MN1: variants seen among roughly 807,000 people sequenced by gnomAD.
MN1 encodes MN1 proto-oncogene, transcriptional regulator.
Under a neutral mutation model 86.9 loss-of-function variants are expected in MN1, and 19 were observed. The observed-to-expected ratio is 0.22, with a 90% CI of 0.15 to 0.32. MN1 has a LOEUF of 0.32. MN1 is among the 10% of genes least tolerant of loss of function. The pLI, the probability that MN1 is intolerant of heterozygous loss-of-function variation, is 1.00. For missense variants in MN1, 1,841 were observed against 1,862.0 expected, an observed-to-expected ratio of 0.99 and a Z score of 0.21; for synonymous variants, 928 against 849.6, an observed-to-expected ratio of 1.09 and a Z score of -1.60.
rs1218704227 is a variant in MN1, at chr22:27,800,166, C to T, written c.378G>A (p.Ser126=). The change falls in exon 1 of 2, where the codon TCG becomes TCA. Residue 126 remains serine, a synonymous_variant. Coordinates refer to ENST00000302326, the MANE Select transcript of MN1 (RefSeq NM_002430.3). Reference sequence around the variant, plus strand: ...CGAGCAGGCGACCCCCGTGCAGGCACGAGGCCCCGGGGTCCGGGCCACCGA... The same window carrying T: ...CGAGCAGGCGACCCCCGTGCAGGCATGAGGCCCCGGGGTCCGGGCCACCGA... ...GNFGGPDPGA[S]CLHGGRLLGY... is the part of the protein sequence containing the mutation. 6.5e-7 allele frequency: 1 copy of T among 1,548,034 alleles called. No homozygotes were observed.
Position 27,798,486 on chromosome 22 carries a change from C to T in MN1, c.2058G>A (p.Met686Ile), listed in dbSNP as rs565227821. The stretch of plus-strand genomic sequence containing the variant: ...GCGCGGGCACGTGGCCCTCTCCGGG[C>T]ATCCTCATCGGCTCCTGCAGAGGGC... ...FRGPLQEPMR[M>I]PGEGHVPALP... The change falls in exon 1 of 2, where the codon ATG becomes ATA. Residue 686 changes from methionine to isoleucine, a missense_variant. By Grantham distance (10) the Met-to-Ile change is conservative. Coordinates refer to ENST00000302326, the MANE Select transcript of MN1 (RefSeq NM_002430.3). 8.3e-6 allele frequency: 13 copies of T among 1,558,010 alleles called. No homozygotes were observed. In the African/African-American group the frequency reaches 1.7e-4, roughly 20 times the overall value.
chr22:27,798,705 C>T lies in MN1; in HGVS notation c.1839G>A (p.Gly613=), dbSNP rs1470244595. The T allele has an allele frequency of 2.0e-6, 3 of 1,535,284 alleles. No homozygotes were observed. Among genetic ancestry groups the T allele is most frequent in the Non-Finnish European group, 2.6e-6 (3 of 1,147,132 alleles). The part of the protein sequence containing the change: ...FEREGGSTGA[G]RLGTFEQQAP... ...CCTGCTGCTCGAAGGTGCCCAGACG[C>T]CCGGCGCCCGTGCTGCCGCCTTCGC... The change falls in exon 1 of 2, where the codon GGG becomes GGA. Residue 613 remains glycine, a synonymous_variant. Coordinates refer to ENST00000302326, the MANE Select transcript of MN1 (RefSeq NM_002430.3).
intron 1 of MN1, among the ~76,000 whole-genome samples, chr22:27,756,248 C>T (rs1263861664): frequency 6.6e-6 from 1 of 152,234 alleles, no homozygotes; most frequent in Non-Finnish European, 1.5e-5. Flanking sequence ...ATGCCACCCA[C>T]CCATAGAGGG....
At chr22:27,766,970 G>T (rs1932874669) in intron 1 of MN1, among the ~76,000 whole-genome samples, 1 of 152,072 alleles carries the variant, frequency 6.6e-6, no homozygotes, top group Admixed American at 6.6e-5. Context: ...CCTTCATCAA[G>T]GAGGTCTCTT....
At chr22:27,762,210 G>T (rs1932839665) in intron 1 of MN1, among the ~76,000 whole-genome samples, 1 of 152,236 alleles carries the variant, frequency 6.6e-6, no homozygotes, top group African/African-American at 2.4e-5. Flanking sequence ...GGGGGGCTGA[G>T]GGCCAGTCGC....
At chr22:27,751,313 C>T (rs1242935231) in intron 1 of MN1, among the ~76,000 whole-genome samples, 2 of 152,166 alleles carry the variant, frequency 1.3e-5, no homozygotes, top group African/African-American at 4.8e-5. Context: ...GAAGACCTCC[C>T]TGTTGGGCCT....
At position 27,790,891 on chromosome 22, in the gene MN1, G is replaced by A. The variant is rs553136551; in HGVS notation, c.3781+5872C>T. On this transcript the variant is annotated intron_variant, in intron 1 of 1. Coordinates refer to ENST00000302326, the MANE Select transcript of MN1 (RefSeq NM_002430.3). ...AGGAGGCCCGGGAGGCTGAGATTTC[G>A]TAATTAGGATCTTCAAAATCCTCCC... 6.6e-5 allele frequency among the ~76,000 whole-genome samples: 10 copies of A among 152,264 alleles called. No homozygotes were observed. The East Asian group carries it at 9.7e-4, about 15-fold the overall frequency.
At chr22:27,783,133 C>CCT (rs1933076559) in intron 1 of MN1, among the ~76,000 whole-genome samples, 1 of 139,656 alleles carries the variant, frequency 7.2e-6, no homozygotes, top group Non-Finnish European at 1.6e-5. Context: ...CGTCGTGCTG[C>CCT]TTTTTTTTTT....
At chr22:27,772,189 ACAGCTGC>A (rs1932923262) in intron 1 of MN1, among the ~76,000 whole-genome samples, 1 of 152,174 alleles carries the variant, frequency 6.6e-6, no homozygotes, top group African/African-American at 2.4e-5. Context: ...CAGAGCACAC[ACAGCTGC>A]CAACAGACTC....
chr22:27,789,077 G>C (rs1366140606), intron 1 of MN1, among the ~76,000 whole-genome samples: 2 of 152,188 alleles, frequency 1.3e-5, no homozygotes, highest in Non-Finnish European at 2.9e-5. Context: ...AGAGCGAGCA[G>C]GAAAAACAAA....
rs1932724242 is a variant in MN1 at position 27,748,744 on chromosome 22, G to T, written c.*2171C>A. On this transcript the variant is annotated 3_prime_UTR_variant, in exon 2 of 2. Transcript: ENST00000302326. ...GCGAGAAAGTTTTTAAAACTTCAGG[G>T]GTTTCTGAGGTTGCCAGGACCATGA... is the stretch of plus-strand genomic sequence containing the variant. The T allele has an allele frequency of 4.5e-6, 1 of 221,964 alleles. No homozygotes were observed. The highest frequency in any genetic ancestry group is 9.0e-6 in the Non-Finnish European group (1 of 110,714). The allele number at this position is 221,964 out of a possible 1,614,324, so 13.7% of individuals were successfully genotyped here.
In MN1 at chr22:27,797,362, G is replaced by C; in HGVS notation, c.3182C>G (p.Ser1061Cys). 1 of 1,609,920 alleles carries C rather than the reference G, an allele frequency of 6.2e-7. No individual in the cohort carries two copies. Among genetic ancestry groups the C allele is most frequent in the Non-Finnish European group, 8.5e-7 (1 of 1,179,934 alleles). The change falls in exon 1 of 2, where the codon TCC (serine) becomes TGC (cysteine). Residue 1061 changes from serine (S) to cysteine (C), a missense_variant. Coordinates refer to ENST00000302326, the MANE Select transcript of MN1 (RefSeq NM_002430.3). ...TAGTGCCTGGGGGTTGTCAGAGCTGGACGACACCTCGTCCTCATTGGCGTA... is the reference window on the plus strand; with the variant it reads ...TAGTGCCTGGGGGTTGTCAGAGCTGCACGACACCTCGTCCTCATTGGCGTA... Reference protein sequence around the residue: ...TSYANEDEVSSSSDNPQALVK... With the variant: ...TSYANEDEVSCSSDNPQALVK...
rs960588703 is a variant in MN1, at chr22:27,800,156, C to G, written c.388G>C (p.Gly130Arg). 9 of 1,549,474 alleles carry G rather than the reference C, an allele frequency of 5.8e-6. No individual in the cohort carries two copies. Among genetic ancestry groups the G allele is most frequent in the Non-Finnish European group, 6.9e-6 (8 of 1,153,124 alleles). ...CCGCCGTAGCCGAGCAGGCGACCCC[C>G]GTGCAGGCACGAGGCCCCGGGGTCC... ...GPDPGASCLH[G>R]GRLLGYGGAA... Residue 130 changes from glycine to arginine, a missense_variant, in exon 1 of 2, where the codon GGG (glycine) becomes CGG (arginine). Gly to Arg is a moderately radical substitution (Grantham distance 125, BLOSUM62 -2). Transcript: ENST00000302326.
At chr22:27,779,971 G>A (rs1042568026) in intron 1 of MN1, among the ~76,000 whole-genome samples, 1 of 152,156 alleles carries the variant, frequency 6.6e-6, no homozygotes, top group Non-Finnish European at 1.5e-5. Flanking sequence ...GTGGTAGGCT[G>A]AACCCTTACC....
chr22:27,766,116 T>C (rs558907562), intron 1 of MN1, among the ~76,000 whole-genome samples: 2 of 152,304 alleles, frequency 1.3e-5, no homozygotes, highest in African/African-American at 4.8e-5. Context: ...GCTGGCTGTG[T>C]GATTTCAGGT....
chr22:27,750,215 C>T lies in MN1; in HGVS notation c.*700G>A, dbSNP rs1444924197. The T allele has an allele frequency of 4.3e-6, 1 of 231,312 alleles. No individual in the cohort carries two copies. The highest frequency in any genetic ancestry group is 8.6e-6 in the Non-Finnish European group (1 of 116,940). The allele number at this position is 231,312 out of a possible 1,614,324, so 14.3% of individuals were successfully genotyped here. On this transcript the variant is annotated 3_prime_UTR_variant, in exon 2 of 2. Transcript: ENST00000302326. ...AAGAGAGAACTCAAGTGGAAGGGAACTGAAGGCTGAGCACTGTGTTTGCAG... is the reference window on the plus strand; with the variant it reads ...AAGAGAGAACTCAAGTGGAAGGGAATTGAAGGCTGAGCACTGTGTTTGCAG...
In MN1 at chr22:27,799,001, G is replaced by C; in HGVS notation, c.1543C>G (p.Pro515Ala). 6.2e-7 allele frequency: 1 copy of C among 1,610,238 alleles called. No individual in the cohort carries two copies. Among genetic ancestry groups the C allele is most frequent in the Non-Finnish European group, 8.5e-7 (1 of 1,178,812 alleles). The change falls in exon 1 of 2, where the codon CCG becomes GCG. Residue 515 changes from proline to alanine, a missense_variant. By Grantham distance (27) the Pro-to-Ala change is conservative. Coordinates refer to ENST00000302326, the MANE Select transcript of MN1 (RefSeq NM_002430.3). Reference protein sequence around the residue: ...SFPSGPPLQHPAPDHQSLQQQ... With the variant: ...SFPSGPPLQHAAPDHQSLQQQ... ...TGCAGGGACTGGTGGTCCGGGGCCG[G>C]ATGCTGCAGGGGCGGCCCCGAAGGG...
At chr22:27,778,304 G>T (rs550330343) in intron 1 of MN1, among the ~76,000 whole-genome samples, 1 of 152,180 alleles carries the variant, frequency 6.6e-6, no homozygotes, top group South Asian at 2.1e-4. Flanking sequence ...ACATCTAGCC[G>T]TTGAGGGAAT....
At position 27,796,959 on chromosome 22, in the gene MN1, G is replaced by C. The variant is rs1933307233; in HGVS notation, c.3585C>G (p.Gly1195=). The C allele has an allele frequency of 6.2e-7, 1 of 1,612,100 alleles. No homozygotes were observed. Among genetic ancestry groups the C allele is most frequent in the South Asian group, 1.1e-5 (1 of 91,010 alleles). The change falls in exon 1 of 2, where the codon GGC becomes GGG. Residue 1195 remains glycine, a synonymous_variant. Coordinates refer to ENST00000302326, the MANE Select transcript of MN1 (RefSeq NM_002430.3). ...CAVGASGAQN[G]DSELGSCCSE... ...AGCAGCAGCTGCCCAGCTCGCTGTC[G>C]CCATTCTGCGCCCCTGAGGCCCCGA...
Sources: gnomAD v4.1 joint callset for allele counts (sites outside exome capture counted in the v4.1 genomes callset) on GRCh38, gnomAD v4.1.1 for gene constraint, MANE v1.5 for transcripts, NCBI Gene and HGNC (gene_info 2026-07-23, HGNC 2026-07-21) for gene names.